Variants in SCAF11 observed in about 807,000 individuals in gnomAD.
The protein encoded by SCAF11 is SR-related CTD associated factor 11.
A neutral mutation model predicts 140.5 loss-of-function variants in SCAF11; 47 were observed. That is an observed-to-expected ratio of 0.33 (90% CI 0.26 to 0.43). The LOEUF is 0.43. Among genes scored for constraint, SCAF11 ranks in the 20% least tolerant of loss-of-function variants. The pLI is 1.00. For synonymous variants in SCAF11, 557 were observed against 579.4 expected (o/e 0.96, Z 0.55); for missense variants, 1,645 against 1,705.1 (o/e 0.96, Z 0.62).
chr12:45,977,231 G>C (rs1399265520), intron 1 of SCAF11, among the ~76,000 whole-genome samples: 1 of 151,934 alleles, frequency 6.6e-6, no homozygotes, highest in East Asian at 1.9e-4. Flanking sequence ...AAAAACTATG[G>C]TACATTCAAT....
chr12:45,941,234 C>T (rs117756664), intron 6 of SCAF11, among the ~76,000 whole-genome samples: 100 of 152,224 alleles, frequency 6.6e-4, no homozygotes, highest in Non-Finnish European at 9.9e-4. Context: ...TCTCTATGGT[C>T]GTAGACACCT....
rs1191945401 is a variant in SCAF11, at chr12:45,926,766, G to A, written c.2935C>T (p.Arg979Ter). The A allele has an allele frequency of 5.0e-6, 8 of 1,613,762 alleles. No homozygotes were observed. Among genetic ancestry groups the A allele is most frequent in the Non-Finnish European group, 6.8e-6 (8 of 1,179,980 alleles). Residue 979 changes from arginine (R) to a stop codon, truncating the protein, a stop_gained, in exon 11 of 15, where the codon CGA becomes TGA. Transcript: ENST00000369367. LOFTEE classifies it high-confidence loss of function. ...RWANDGWRCP[R>*]GNDRYRKNDP... ...TTCTTTCTGTACCGATCATTTCCTC[G>A]TGGACATCTCCAACCATCATTTGCC...
At chr12:45,974,166 T>C (rs1435053576) in intron 1 of SCAF11, 1 of 470,794 alleles carries the variant, frequency 2.1e-6, no homozygotes, top group Non-Finnish European at 4.4e-6. Flanking sequence ...GTCTAAAAAC[T>C]GTACATACTT....
intron 1 of SCAF11, among the ~76,000 whole-genome samples, chr12:45,978,332 T>C (rs202016358): frequency 6.6e-6 from 1 of 152,306 alleles, no homozygotes; most frequent in East Asian, 1.9e-4. Flanking sequence ...TGAAGTACAA[T>C]GACATAACTA....
Position 45,926,406 on chromosome 12 carries a change from T to G in SCAF11, c.3295A>C (p.Asn1099His). 1 of 1,614,180 alleles carries G rather than the reference T, an allele frequency of 6.2e-7. No homozygotes were observed. Among genetic ancestry groups the G allele is most frequent in the Non-Finnish European group, 8.5e-7 (1 of 1,180,018 alleles). Residue 1099 changes from asparagine to histidine, a missense_variant, in exon 11 of 15, where the codon AAT (asparagine) becomes CAT (histidine). Physicochemically the swap from Asn to His is moderately conservative, Grantham distance 68 (BLOSUM62 1). Coordinates refer to ENST00000369367, the MANE Select transcript of SCAF11 (RefSeq NM_004719.3). The stretch of plus-strand genomic sequence containing the variant: ...GAATTCCCTGAGAGGGGTTTTCGAT[T>G]TTGCCACCGATTTTCATTCTGATCT... ...YKDQNENRWQ[N>H]RKPLSGNSNS...
chr12:45,927,372 G>T lies in SCAF11; in HGVS notation c.2329C>A (p.Pro777Thr). Residue 777 changes from proline to threonine, a missense_variant, in exon 11 of 15, where the codon CCA becomes ACA. Pro to Thr is a conservative substitution (Grantham distance 38, BLOSUM62 -1). Transcript: ENST00000369367. ...VETVSQPSES[P>T]KDTIDKTKKP... ...TTGGTTTTATCTATGGTATCTTTTG[G>T]GCTTTCAGATGGTTGAGAAACAGTT... The T allele has an allele frequency of 6.2e-7, 1 of 1,613,928 alleles. No individual in the cohort carries two copies. Among genetic ancestry groups the T allele is most frequent in the Non-Finnish European group, 8.5e-7 (1 of 1,179,980 alleles).
rs769188829 is a variant in SCAF11 at position 45,924,968 on chromosome 12, T to G, written c.3666A>C (p.Gln1222His). Residue 1222 changes from glutamine (Q) to histidine (H), a missense_variant, in exon 12 of 15, where the codon CAA (glutamine) becomes CAC (histidine). Coordinates refer to ENST00000369367, the MANE Select transcript of SCAF11 (RefSeq NM_004719.3). ...ATGGGAAGATATTCATAGGCTGGTGTTGTGCATTCATTTGTTGCTGCATTA... is the reference window on the plus strand; with the variant it reads ...ATGGGAAGATATTCATAGGCTGGTGGTGTGCATTCATTTGTTGCTGCATTA... ...MNVMQQQMNA[Q>H]HQPMNIFPYP... 1.7e-5 allele frequency: 28 copies of G among 1,614,116 alleles called. No homozygotes were observed. In the East Asian group the frequency reaches 4.9e-4, roughly 28 times the overall value.
At position 45,920,146 on chromosome 12, in the gene SCAF11, A is replaced by G. The variant is rs1418792610; in HGVS notation, c.*1902T>C. 8.5e-5 allele frequency: 13 copies of G among 152,214 alleles called. No homozygotes were observed. Among genetic ancestry groups the G allele is most frequent in the Admixed American group, 6.5e-4 (10 of 15,286 alleles). The allele number at this position is 152,214 out of a possible 1,614,324, so 9.4% of individuals were successfully genotyped here. On this transcript the variant is annotated 3_prime_UTR_variant, in exon 15 of 15. Coordinates refer to ENST00000369367, the MANE Select transcript of SCAF11 (RefSeq NM_004719.3). ...TATACCAGTAGAATACCATATTACA[A>G]ATGCCCAGAAATGTAGAATAAAGGT... is the stretch of plus-strand genomic sequence containing the variant.
intron 1 of SCAF11, among the ~76,000 whole-genome samples, chr12:45,981,690 G>T (rs566074280): frequency 6.6e-6 from 1 of 152,160 alleles, no homozygotes; most frequent in Non-Finnish European, 1.5e-5. Context: ...AGGTACTCTG[G>T]AGGCTAAGGC....
At chr12:45,983,450 A>G (rs1946389571) in intron 1 of SCAF11, among the ~76,000 whole-genome samples, 1 of 152,164 alleles carries the variant, frequency 6.6e-6, no homozygotes, top group African/African-American at 2.4e-5. Flanking sequence ...GCCTTTCCAC[A>G]TTTAATCCTC....
chr12:45,982,202 T>G (rs1312095468), intron 1 of SCAF11, among the ~76,000 whole-genome samples: 1 of 152,202 alleles, frequency 6.6e-6, no homozygotes, highest in East Asian at 1.9e-4. Flanking sequence ...TAACTGGACA[T>G]GCACAACAGT....
chr12:45,965,192 A>T (rs576265269), intron 1 of SCAF11, among the ~76,000 whole-genome samples: 2 of 152,298 alleles, frequency 1.3e-5, no homozygotes, highest in African/African-American at 4.8e-5. Context: ...GAATTTTTTT[A>T]AAAAAGATAG....
chr12:45,961,523 C>A, intron 3 of SCAF11, 177 bp downstream of exon 3: 1 of 592,438 alleles, frequency 1.7e-6, no homozygotes, highest in Non-Finnish European at 2.9e-6. Flanking sequence ...AAAATCAAAG[C>A]CTGATAAAAG....
chr12:45,982,761 T>C (rs1946376818), intron 1 of SCAF11, among the ~76,000 whole-genome samples: 2 of 152,194 alleles, frequency 1.3e-5, no homozygotes, highest in Non-Finnish European at 2.9e-5. Context: ...CCCAGAGAAT[T>C]TTTATAACAG....
At chr12:45,943,726 T>C (rs1945360132) in intron 6 of SCAF11, among the ~76,000 whole-genome samples, 2 of 152,170 alleles carry the variant, frequency 1.3e-5, no homozygotes, top group South Asian at 4.1e-4. Context: ...AGCACTCTTG[T>C]ATTACCCACT....
At chr12:45,954,460 C>T (rs1945629580) in intron 3 of SCAF11, among the ~76,000 whole-genome samples, 1 of 152,032 alleles carries the variant, frequency 6.6e-6, no homozygotes, top group Admixed American at 6.6e-5. Flanking sequence ...TGGTCTTGGA[C>T]TCCTGGGCTT....
chr12:45,986,856 C>T lies in SCAF11; in HGVS notation c.-22+3497G>A, dbSNP rs562230980. On this transcript the variant is annotated intron_variant, in intron 1 of 14. Coordinates refer to ENST00000369367, the MANE Select transcript of SCAF11 (RefSeq NM_004719.3). ...CCACCAACCACTATGTAAGAAGTGC[C>T]CTTCTCCTCCCACCAAGATTCTGAG... Among the ~76,000 whole-genome samples, 4 of 152,132 alleles carry T rather than the reference C, an allele frequency of 2.6e-5. No homozygotes were observed. The South Asian group carries it at 8.4e-4, about 32-fold the overall frequency.
At chr12:45,959,332 A>C (rs1945770451) in intron 3 of SCAF11, among the ~76,000 whole-genome samples, 1 of 152,192 alleles carries the variant, frequency 6.6e-6, no homozygotes, top group Non-Finnish European at 1.5e-5. Flanking sequence ...TTTTTTAAAA[A>C]GATTTTAACG....
intron 2 of SCAF11, among the ~76,000 whole-genome samples, chr12:45,963,224 T>C (rs1373296100): frequency 6.6e-6 from 1 of 152,146 alleles, no homozygotes; most frequent in African/African-American, 2.4e-5. Context: ...GGGAAATGAT[T>C]AAACACATGA....
Sources: allele counts gnomAD v4.1 joint callset (sites outside exome capture counted in the v4.1 genomes callset), GRCh38; gene constraint gnomAD v4.1.1; transcripts MANE v1.5; gene names NCBI Gene and HGNC (gene_info 2026-07-23, HGNC 2026-07-21).